Variants in B3GALT1 observed in about 807,000 individuals in gnomAD.
B3GALT1 encodes beta-1,3-galactosyltransferase 1.
Under a neutral mutation model 23.2 loss-of-function variants are expected in B3GALT1, and 10 were observed. The ratio of observed to expected loss-of-function variants is 0.43; its 90% CI spans 0.27 to 0.73. The LOEUF (loss-of-function observed/expected upper bound fraction) is 0.73. B3GALT1 is among the 30% of genes least tolerant of loss of function. The pLI, the probability that B3GALT1 is intolerant of heterozygous loss-of-function variation, is 0.21. For missense variants in B3GALT1, 299 were observed against 405.4 expected, an observed-to-expected ratio of 0.74 and a Z score of 2.25; for synonymous variants, 156 against 141.5, an observed-to-expected ratio of 1.10 and a Z score of -0.73.
chr2:167,550,959 C>A (rs1379637049), intron 2 of B3GALT1, among the ~76,000 whole-genome samples: 4 of 152,100 alleles, frequency 2.6e-5, no homozygotes, highest in African/African-American at 9.7e-5. Flanking sequence ...TGTTCAGGGA[C>A]CCCGTTCCTT....
chr2:167,376,824 G>A (rs1479590355), intron 1 of B3GALT1, among the ~76,000 whole-genome samples: 2 of 151,822 alleles, frequency 1.3e-5, no homozygotes, highest in African/African-American at 4.8e-5. Context: ...GTATGGATTT[G>A]GAGGTTTCAA....
At chr2:167,722,902 G>GA (rs1172130443) in intron 3 of B3GALT1, among the ~76,000 whole-genome samples, 1 of 151,848 alleles carries the variant, frequency 6.6e-6, no homozygotes, top group Non-Finnish European at 1.5e-5. Context: ...AGGTAACCCA[G>GA]AAAAAAAGTG....
At chr2:167,422,616 G>A (rs1698564938) in intron 1 of B3GALT1, among the ~76,000 whole-genome samples, 1 of 152,148 alleles carries the variant, frequency 6.6e-6, no homozygotes, top group Non-Finnish European at 1.5e-5. Context: ...CTTGACTTGA[G>A]TCTACTGGAG....
At chr2:167,399,712 A>G (rs1698156966) in intron 1 of B3GALT1, among the ~76,000 whole-genome samples, 1 of 151,920 alleles carries the variant, frequency 6.6e-6, no homozygotes, top group Non-Finnish European at 1.5e-5. Context: ...TTTATCTCCT[A>G]CTTGAGTATG....
chr2:167,656,158 G>A (rs1230800739), intron 3 of B3GALT1, among the ~76,000 whole-genome samples: 7 of 152,034 alleles, frequency 4.6e-5, no homozygotes, highest in Admixed American at 4.6e-4. Flanking sequence ...GACAGTAGAG[G>A]CCTTCAAACT....
intron 2 of B3GALT1, among the ~76,000 whole-genome samples, chr2:167,504,807 T>C (rs888790191): frequency 6.6e-6 from 1 of 152,158 alleles, no homozygotes; most frequent in African/African-American, 2.4e-5. Flanking sequence ...GCAGTACAGG[T>C]TTGTAGCCTA....
At chr2:167,564,234 G>A (rs1250383620) in intron 2 of B3GALT1, among the ~76,000 whole-genome samples, 2 of 150,782 alleles carry the variant, frequency 1.3e-5, no homozygotes, top group African/African-American at 4.9e-5. Flanking sequence ...GGGGCGGCAG[G>A]GCAGAGGCGC....
Position 167,472,027 on chromosome 2 carries a change from G to T in B3GALT1, c.-510-18150G>T, listed in dbSNP as rs547948169. Reference sequence around the variant, plus strand: ...GTAAGGAACTTCCTTTCTGTGGCTGGTTCCTCTTACAGTTTTGCAGTTTAC... The same window carrying T: ...GTAAGGAACTTCCTTTCTGTGGCTGTTTCCTCTTACAGTTTTGCAGTTTAC... On this transcript the variant is annotated intron_variant, in intron 1 of 4. Transcript: ENST00000392690. Among the ~76,000 whole-genome samples, 9 of 152,248 alleles carry T rather than the reference G, an allele frequency of 5.9e-5. No individual in the cohort carries two copies. The South Asian group carries it at 1.9e-3, about 32-fold the overall frequency.
intron 1 of B3GALT1, among the ~76,000 whole-genome samples, chr2:167,297,314 C>T (rs1174673107): frequency 4.6e-5 from 7 of 151,434 alleles, no homozygotes; most frequent in Admixed American, 3.9e-4. Flanking sequence ...AGGAAAGATT[C>T]AAAAGCATGT....
rs894717943 is a variant in B3GALT1 at position 167,700,726 on chromosome 2, G to T, written c.-352+53760G>T. 1.1e-4 allele frequency among the ~76,000 whole-genome samples: 16 copies of T among 152,266 alleles called. No individual in the cohort carries two copies. In the South Asian group the frequency reaches 2.1e-3, roughly 20 times the overall value. On this transcript the variant is annotated intron_variant, in intron 3 of 4. Transcript: ENST00000392690. Reference sequence around the variant, plus strand: ...AAAATAATGGTGCAGTGCGGGTAGGGTTGAGATTGAAGAGCCAACCACGCG... The same window carrying T: ...AAAATAATGGTGCAGTGCGGGTAGGTTTGAGATTGAAGAGCCAACCACGCG...
At chr2:167,642,001 C>G (rs796269918) in intron 2 of B3GALT1, among the ~76,000 whole-genome samples, 20 of 152,284 alleles carry the variant, frequency 1.3e-4, no homozygotes, top group African/African-American at 4.8e-4. Context: ...TTGACTCTTT[C>G]TCCAGAGGTT....
chr2:167,781,331 C>T (rs1287045651), intron 3 of B3GALT1, among the ~76,000 whole-genome samples: 1 of 152,118 alleles, frequency 6.6e-6, no homozygotes, highest in Admixed American at 6.5e-5. Context: ...GCAGTGACTC[C>T]TCCTAGAAAA....
At chr2:167,664,016 T>C (rs1313829626) in intron 3 of B3GALT1, among the ~76,000 whole-genome samples, 1 of 150,930 alleles carries the variant, frequency 6.6e-6, no homozygotes, top group Non-Finnish European at 1.5e-5. Flanking sequence ...TTTTGGTGTT[T>C]TAGACATGAA....
chr2:167,512,698 G>A (rs1441043899), intron 2 of B3GALT1, among the ~76,000 whole-genome samples: 1 of 145,296 alleles, frequency 6.9e-6, no homozygotes, highest in Non-Finnish European at 1.5e-5. Context: ...GTGCAGTGAT[G>A]CCATCTTGGC....
chr2:167,630,442 G>A (rs774634196), intron 2 of B3GALT1, among the ~76,000 whole-genome samples: 42 of 151,718 alleles, frequency 2.8e-4, no homozygotes, highest in Non-Finnish European at 4.4e-4. Context: ...GATGACAATT[G>A]TGAAATAATT....
rs1040953140 is a variant in B3GALT1 at position 167,823,273 on chromosome 2, T to A, written c.-230+4480T>A. On this transcript the variant is annotated intron_variant, in intron 4 of 4. Coordinates refer to ENST00000392690, the MANE Select transcript of B3GALT1 (RefSeq NM_020981.4). ...TTTAGGGCTTATTTGTTACAGCTGC[T>A]GGTGTGGACCTAACAGAGAGTATGC... is the stretch of plus-strand genomic sequence containing the variant. 4.6e-5 allele frequency among the ~76,000 whole-genome samples: 7 copies of A among 152,338 alleles called. No homozygotes were observed. In the East Asian group the frequency reaches 1.4e-3, roughly 29 times the overall value.
intron 3 of B3GALT1, among the ~76,000 whole-genome samples, chr2:167,701,224 G>T: frequency 6.6e-6 from 1 of 152,128 alleles, no homozygotes; most frequent in East Asian, 1.9e-4. Flanking sequence ...AGCTGTAGGA[G>T]AATGGAGATA....
At chr2:167,668,606 C>T (rs186792780) in intron 3 of B3GALT1, among the ~76,000 whole-genome samples, 58 of 152,244 alleles carry the variant, frequency 3.8e-4, no homozygotes, top group Admixed American at 9.2e-4. Context: ...AGCGAGACTC[C>T]GTGGGCTTAG....
At chr2:167,487,089 C>G (rs1189960254) in intron 1 of B3GALT1, among the ~76,000 whole-genome samples, 1 of 152,088 alleles carries the variant, frequency 6.6e-6, no homozygotes, top group Non-Finnish European at 1.5e-5. Flanking sequence ...TTATCACTAA[C>G]CAGAGTGAGA....
Sources: allele counts gnomAD v4.1 joint callset (sites outside exome capture counted in the v4.1 genomes callset), GRCh38; gene constraint gnomAD v4.1.1; transcripts MANE v1.5; gene names NCBI Gene and HGNC (gene_info 2026-07-23, HGNC 2026-07-21).